The following GSK3A variants were observed in gnomAD, a reference collection of about 807,000 sequenced individuals.
GSK3A encodes glycogen synthase kinase-3 alpha.
A neutral mutation model predicts 56.6 loss-of-function variants in GSK3A; 14 were observed. The observed-to-expected ratio is 0.25, with a 90% CI of 0.16 to 0.39. The LOEUF is 0.39. GSK3A is among the 10% of genes least tolerant of loss of function. The pLI is 1.00. For missense variants in GSK3A, 450 were observed against 656.0 expected (o/e 0.69, Z 3.43); for synonymous variants, 301 against 285.0 (o/e 1.06, Z -0.56).
chr19:42,238,167 C>T (rs964848750), intron 2 of GSK3A, among the ~76,000 whole-genome samples: 3 of 151,884 alleles, frequency 2.0e-5, no homozygotes, highest in Admixed American at 6.6e-5. Flanking sequence ...GCCTGGCCAA[C>T]GTGGCAAAAC....
At chr19:42,238,579 C>G (rs1444260352) in intron 2 of GSK3A, among the ~76,000 whole-genome samples, 1 of 143,626 alleles carries the variant, frequency 7.0e-6, no homozygotes, top group Non-Finnish European at 1.5e-5. Flanking sequence ...CACACTCCAG[C>G]CTGGGTGACA....
intron 1 of GSK3A, 92 bp from the exon 2 acceptor site, chr19:42,240,234 G>A: frequency 8.1e-7 from 1 of 1,227,898 alleles, no homozygotes; most frequent in Non-Finnish European, 1.2e-6. Flanking sequence ...AATCTCTGCA[G>A]GAAGCTCGTT....
At position 42,237,038 on chromosome 19, in the gene GSK3A, C is replaced by A. The variant is rs887600000; in HGVS notation, c.472-97G>T. ...CCAACAACAGCCAGGCAGCTACTCC[C>A]TGTGTCCCAGCTCCAAGGTCCCCTG... On this transcript the variant is annotated intron_variant, in intron 2 of 10. Coordinates refer to ENST00000222330, the MANE Select transcript of GSK3A (RefSeq NM_019884.3). The A allele has an allele frequency of 1.7e-5, 14 of 835,910 alleles. No individual in the cohort carries two copies. In the Middle Eastern group the frequency reaches 2.7e-3, roughly 163 times the overall value. The allele number at this position is 835,910 out of a possible 1,614,324, so 51.8% of individuals were successfully genotyped here.
intron 2 of GSK3A, 147 bp downstream of exon 2, chr19:42,239,808 C>G (rs917420318): frequency 1.2e-5 from 8 of 661,546 alleles, no homozygotes. Context: ...TCCACATTTC[C>G]CATCTTTCAC....
Position 42,233,174 on chromosome 19 carries a change from C to T in GSK3A, c.1034G>A (p.Arg345Gln). Reference sequence around the variant, plus strand: ...CTCCGTGTAGTTGGGGTTCATCTCTCGGATTTGTTCCCGGGTTGGTGTTCC... The same window carrying T: ...CTCCGTGTAGTTGGGGTTCATCTCTTGGATTTGTTCCCGGGTTGGTGTTCC... Reference protein sequence around the residue: ...VLGTPTREQIREMNPNYTEFK... With the variant: ...VLGTPTREQIQEMNPNYTEFK... The change falls in exon 8 of 11, where the codon CGA becomes CAA. Residue 345 changes from arginine (R) to glutamine (Q), a missense_variant. Coordinates refer to ENST00000222330, the MANE Select transcript of GSK3A (RefSeq NM_019884.3). 2 of 1,609,570 alleles carry T rather than the reference C, an allele frequency of 1.2e-6. No individual in the cohort carries two copies. Among genetic ancestry groups the T allele is most frequent in the Non-Finnish European group, 1.7e-6 (2 of 1,177,676 alleles).
chr19:42,241,521 G>A (rs2036291962), intron 1 of GSK3A: 2 of 152,208 alleles, frequency 1.3e-5, no homozygotes, highest in Admixed American at 6.5e-5. Context: ...TATGGACTTG[G>A]TTTGAAGGAT....
Sources: allele counts gnomAD v4.1 joint callset (sites outside exome capture counted in the v4.1 genomes callset), GRCh38; gene constraint gnomAD v4.1.1; transcripts MANE v1.5; gene names NCBI Gene and HGNC (gene_info 2026-07-23, HGNC 2026-07-21).